Variants in RYR2 observed in about 807,000 individuals in gnomAD.
RYR2 encodes the protein cardiac muscle ryanodine receptor-calcium release channel.
In RYR2, 227 loss-of-function variants were observed where a neutral mutation model predicts 601.1. The ratio of observed to expected loss-of-function variants is 0.38; its 90% CI spans 0.34 to 0.42. The LOEUF (loss-of-function observed/expected upper bound fraction) is 0.42. Among genes scored for constraint, RYR2 ranks in the 10% least tolerant of loss-of-function variants. RYR2 has a pLI of 1.00. For missense variants in RYR2, 4,646 were observed against 6,156.5 expected, an observed-to-expected ratio of 0.75 and a Z score of 8.21; for synonymous variants, 2,223 against 2,175.1, an observed-to-expected ratio of 1.02 and a Z score of -0.61.
At chr1:237,602,219 A>C in intron 35 of RYR2, 108 bp downstream of exon 35, 2 of 713,024 alleles carry the variant, frequency 2.8e-6, no homozygotes, top group Non-Finnish European at 4.3e-6. Context: ...GAATCAAATA[A>C]ATCATTCTTT....
intron 17 of RYR2, among the ~76,000 whole-genome samples, chr1:237,490,076 A>C (rs1241919422): frequency 1.3e-5 from 2 of 152,252 alleles, no homozygotes; most frequent in East Asian, 3.8e-4. Flanking sequence ...AAATTAATGC[A>C]GGAACAGAAA....
intron 2 of RYR2, among the ~76,000 whole-genome samples, chr1:237,326,213 T>C (rs1025819669): frequency 3.2e-4 from 49 of 151,736 alleles, no homozygotes; most frequent in Non-Finnish European, 5.7e-4. Flanking sequence ...GAGATTTTTT[T>C]CCCCCTCTAA....
chr1:237,251,865 C>T (rs551477298), intron 1 of RYR2, among the ~76,000 whole-genome samples: 70 of 152,302 alleles, frequency 4.6e-4, no homozygotes, highest in African/African-American at 1.7e-3. Flanking sequence ...CATTTCGGTA[C>T]ATGGTACCAC....
At chr1:237,791,304 G>A in intron 92 of RYR2, 125 bp from the exon 93 acceptor site, 1 of 639,532 alleles carries the variant, frequency 1.6e-6, no homozygotes, top group Non-Finnish European at 2.9e-6. Context: ...CACCAAGAAT[G>A]GTGCTTGAAA....
chr1:237,696,406 C>T (rs1239493493), intron 63 of RYR2, among the ~76,000 whole-genome samples: 1 of 152,030 alleles, frequency 6.6e-6, no homozygotes, highest in Non-Finnish European at 1.5e-5. Context: ...ACACTGGAGG[C>T]CCTAGGCCTT....
intron 2 of RYR2, among the ~76,000 whole-genome samples, chr1:237,322,470 C>G (rs1162834764): frequency 6.6e-6 from 1 of 152,088 alleles, no homozygotes; most frequent in Non-Finnish European, 1.5e-5. Flanking sequence ...GGTCATATTC[C>G]AGACAATTAA....
At chr1:237,517,648 G>A (rs951258366) in intron 24 of RYR2, among the ~76,000 whole-genome samples, 17 of 151,128 alleles carry the variant, frequency 1.1e-4, no homozygotes, top group Non-Finnish European at 1.9e-4. Flanking sequence ...AAAAAAAAAA[G>A]GTTTTATTTT....
intron 29 of RYR2, among the ~76,000 whole-genome samples, chr1:237,572,401 A>C (rs558362848): frequency 1.3e-5 from 2 of 152,342 alleles, no homozygotes; most frequent in African/African-American, 4.8e-5. Flanking sequence ...CAGAATGCTC[A>C]TCCGTACTAT....
intron 96 of RYR2, 51 bp from the exon 97 acceptor site, chr1:237,797,986 G>T (rs960440364): frequency 6.6e-7 from 1 of 1,507,996 alleles, no homozygotes. Context: ...ACATATAGAT[G>T]ATGTTACTTA....
At chr1:237,152,269 G>A (rs1473064647) in intron 1 of RYR2, among the ~76,000 whole-genome samples, 2 of 152,142 alleles carry the variant, frequency 1.3e-5, no homozygotes, top group Non-Finnish European at 2.9e-5. Flanking sequence ...GGGCATTTGG[G>A]TTGGTTCCAT....
chr1:237,611,430 A>G (rs1399367018), intron 36 of RYR2, among the ~76,000 whole-genome samples: 2 of 152,176 alleles, frequency 1.3e-5, no homozygotes, highest in Non-Finnish European at 2.9e-5. Context: ...AAGAGATATT[A>G]ATGAAAGAAA....
Position 237,469,195 on chromosome 1 carries a change from T to C in RYR2, c.1708+8T>C. The C allele has an allele frequency of 6.3e-7, 1 of 1,592,544 alleles. No homozygotes were observed. Among genetic ancestry groups the C allele is most frequent in the Non-Finnish European group, 8.6e-7 (1 of 1,166,560 alleles). On this transcript the variant is annotated splice_region_variant and intron_variant, in intron 17 of 104. Coordinates refer to ENST00000366574, the MANE Select transcript of RYR2 (RefSeq NM_001035.3). Reference sequence around the variant, plus strand: ...GACTGGAAGCTTCTTCAGGTATGTTTTCTAGTTTTTTCCTTGTTGTGATAG... The same window carrying C: ...GACTGGAAGCTTCTTCAGGTATGTTCTCTAGTTTTTTCCTTGTTGTGATAG...
intron 100 of RYR2, among the ~76,000 whole-genome samples, chr1:237,809,854 C>T (rs1661069857): frequency 6.6e-6 from 1 of 151,990 alleles, no homozygotes; most frequent in Non-Finnish European, 1.5e-5. Context: ...CAGAGTAGTT[C>T]AGAAACAGAT....
chr1:237,274,523 G>A (rs1364382510), intron 2 of RYR2, among the ~76,000 whole-genome samples: 1 of 152,012 alleles, frequency 6.6e-6, no homozygotes, highest in Non-Finnish European at 1.5e-5. Flanking sequence ...AAATAAAAAA[G>A]CTAACAAAAT....
chr1:237,221,540 G>A (rs1302223972), intron 1 of RYR2, among the ~76,000 whole-genome samples: 1 of 152,138 alleles, frequency 6.6e-6, no homozygotes, highest in Non-Finnish European at 1.5e-5. Context: ...TGAAAACACG[G>A]GGAAATTTCA....
At chr1:237,469,019 G>A (rs1256431591) in intron 16 of RYR2, 73 bp from the exon 17 acceptor site, 7 of 1,198,450 alleles carry the variant, frequency 5.8e-6, no homozygotes, top group Middle Eastern at 1.9e-4. Flanking sequence ...ATATTTTAGG[G>A]CTGCATATTA....
At chr1:237,570,175 G>A (rs1217966517) in intron 29 of RYR2, among the ~76,000 whole-genome samples, 4 of 146,406 alleles carry the variant, frequency 2.7e-5, no homozygotes, top group East Asian at 2.1e-4. Context: ...CAGAGATCAC[G>A]CCATGGCACT....
At chr1:237,713,108 C>A (rs1451730889) in intron 71 of RYR2, among the ~76,000 whole-genome samples, 1 of 152,148 alleles carries the variant, frequency 6.6e-6, no homozygotes, top group Non-Finnish European at 1.5e-5. Flanking sequence ...TGTGTTTGAC[C>A]CGACAGCACA....
chr1:237,780,759 C>T (rs1280938624), intron 88 of RYR2, among the ~76,000 whole-genome samples: 2 of 151,994 alleles, frequency 1.3e-5, no homozygotes, highest in African/African-American at 4.8e-5. Flanking sequence ...CAATGTTGTA[C>T]TAATAGGTAA....
Sources: allele counts gnomAD v4.1 joint callset (sites outside exome capture counted in the v4.1 genomes callset), GRCh38; gene constraint gnomAD v4.1.1; transcripts MANE v1.5; gene names NCBI Gene and HGNC (gene_info 2026-07-23, HGNC 2026-07-21).